Variants in METTL6 observed in about 807,000 individuals in gnomAD.
METTL6 encodes tRNA N(3)-cytidine methyltransferase METTL6.
A neutral mutation model predicts 26.4 loss-of-function variants in METTL6; 22 were observed. The observed-to-expected ratio is 0.83, with a 90% CI of 0.59 to 1.19. The LOEUF (loss-of-function observed/expected upper bound fraction) is 1.19, where lower values mean the gene tolerates loss of function less well. Ranked by LOEUF, METTL6 falls within the 50% of genes most tolerant of loss-of-function variation. The pLI is 0.00. For synonymous variants in METTL6, 109 were observed against 116.2 expected, an observed-to-expected ratio of 0.94 and a Z score of 0.40; for missense variants, 304 against 324.8, an observed-to-expected ratio of 0.94 and a Z score of 0.49.
At position 15,426,573 on chromosome 3, in the gene METTL6, T is replaced by C. The variant is rs2061729653; in HGVS notation, c.-62A>G. On this transcript the variant is annotated 5_prime_UTR_variant, in exon 2 of 6. Coordinates refer to ENST00000383790, the MANE Select transcript of METTL6 (RefSeq NM_152396.4). ...ATTCTCCATCACCAAATAATATGAA[T>C]CCACGCTAATGGATCAGATACATTT... 18 of 1,359,260 alleles carry C rather than the reference T, an allele frequency of 1.3e-5. No individual in the cohort carries two copies. Among genetic ancestry groups the C allele is most frequent in the South Asian group, 7.2e-5 (6 of 83,442 alleles). The allele number at this position is 1,359,260 out of a possible 1,614,324, so 84.2% of individuals were successfully genotyped here.
At chr3:15,421,658 G>A (rs1311796123) in intron 3 of METTL6, among the ~76,000 whole-genome samples, 1 of 152,134 alleles carries the variant, frequency 6.6e-6, no homozygotes, top group Non-Finnish European at 1.5e-5. Context: ...GCTTATGCCT[G>A]TAATCCCAAC....
chr3:15,396,146 T>G (rs1300354859), intron 6 of METTL6, among the ~76,000 whole-genome samples: 1 of 152,224 alleles, frequency 6.6e-6, no homozygotes, highest in East Asian at 1.9e-4. Flanking sequence ...CAAACGTAGA[T>G]TTGGTCTTTT....
rs1352441274 is a variant in METTL6, at chr3:15,410,194, G to A, written c.*1062C>T. Among the ~76,000 whole-genome samples, 1 of 151,726 alleles carries A rather than the reference G, an allele frequency of 6.6e-6. No homozygotes were observed. Reference sequence around the variant, plus strand: ...TACAAAAAGTACATAGTAGCCCCCCGTATCTGCGGGTGGTATGTTTCAAGA... The same window carrying A: ...TACAAAAAGTACATAGTAGCCCCCCATATCTGCGGGTGGTATGTTTCAAGA... On this transcript the variant is annotated 3_prime_UTR_variant, in exon 6 of 6. Transcript: ENST00000383790.
intron 3 of METTL6, among the ~76,000 whole-genome samples, chr3:15,418,264 A>G (rs2061533814): frequency 6.6e-6 from 1 of 152,232 alleles, no homozygotes; most frequent in Non-Finnish European, 1.5e-5. Flanking sequence ...GGCATTTAAA[A>G]TAATTATGAT....
intron 6 of METTL6, among the ~76,000 whole-genome samples, chr3:15,389,012 A>C (rs1699270045): frequency 6.6e-6 from 1 of 152,010 alleles, no homozygotes; most frequent in African/African-American, 2.4e-5. Flanking sequence ...GGCATATGCC[A>C]CCATGCCCAG....
chr3:15,425,017 C>T lies in METTL6; in HGVS notation c.298G>A (p.Glu100Lys). The T allele has an allele frequency of 6.2e-7, 1 of 1,614,126 alleles. No individual in the cohort carries two copies. Residue 100 changes from glutamate (E) to lysine (K), a missense_variant, in exon 3 of 6, where the codon GAA becomes AAA. Transcript: ENST00000383790. ...GCATAGGCAAAGATATTCGGATCTT[C>T]TTCTAAAAGTGGGAATAAACAGTTT... Reference protein sequence around the residue: ...VGNCLFPLLEEDPNIFAYACD... With the variant: ...VGNCLFPLLEKDPNIFAYACD...
chr3:15,400,064 G>A (rs1373835674), intron 6 of METTL6, among the ~76,000 whole-genome samples: 1 of 152,116 alleles, frequency 6.6e-6, no homozygotes, highest in African/African-American at 2.4e-5. Context: ...CATATCACAG[G>A]AAGAGGAGAT....
chr3:15,413,875 G>A (rs1396023548), intron 5 of METTL6, 146 bp downstream of exon 5: 1 of 1,525,216 alleles, frequency 6.6e-7, no homozygotes, highest in Non-Finnish European at 8.8e-7. Context: ...TCCAGGTGCT[G>A]GGTAAATATT....
downstream of METTL6, among the ~76,000 whole-genome samples, chr3:15,408,678 G>T (rs1009037559): frequency 6.7e-6 from 1 of 149,900 alleles, no homozygotes; most frequent in Non-Finnish European, 1.5e-5. Flanking sequence ...GGGCTCATGG[G>T]ATCCTTCAAC....
At chr3:15,390,402 T>C (rs368739869) in intron 6 of METTL6, among the ~76,000 whole-genome samples, 5 of 152,158 alleles carry the variant, frequency 3.3e-5, no homozygotes, top group African/African-American at 1.2e-4. Flanking sequence ...CACTCCAGCC[T>C]GGGTGACAGA....
chr3:15,396,474 C>G (rs1699491307), intron 6 of METTL6, among the ~76,000 whole-genome samples: 1 of 152,178 alleles, frequency 6.6e-6, no homozygotes, highest in Non-Finnish European at 1.5e-5. Flanking sequence ...TTGTCTGAAG[C>G]CTTCTTCTCT....
chr3:15,414,843 GC>G, intron 4 of METTL6: 1 of 527,936 alleles, frequency 1.9e-6, no homozygotes, highest in Admixed American at 2.4e-5. Flanking sequence ...AACTGCTTGA[GC>G]CCAGGAAGTT....
At position 15,409,896 on chromosome 3, in the gene METTL6, C is replaced by T. The variant is rs1182700482; in HGVS notation, c.*1360G>A. On this transcript the variant is annotated 3_prime_UTR_variant, in exon 6 of 6. Transcript: ENST00000383790. The stretch of plus-strand genomic sequence containing the variant: ...GAAGAAAACAGAACACTCCTTTAGG[C>T]TAGAAATATATATGAGTGTCTTATT... 6.6e-6 allele frequency among the ~76,000 whole-genome samples: 1 copy of T among 152,180 alleles called. No homozygotes were observed. The highest frequency in any genetic ancestry group is 1.5e-5 in the Non-Finnish European group (1 of 68,042).
chr3:15,395,773 T>G (rs2124915775), intron 6 of METTL6, among the ~76,000 whole-genome samples: 1 of 152,350 alleles, frequency 6.6e-6, no homozygotes, highest in South Asian at 2.1e-4. Context: ...TGGCTGGATA[T>G]GAAATTCTGG....
rs1232571038 is a variant in METTL6 at position 15,401,816 on chromosome 3, GC to G, written c.*11+9428del. ...AAACCCTTAGTTCTAGGAATTGCCC[GC>G]CCCTTTTCCAGAACGTTCATGAATA... is the stretch of plus-strand genomic sequence containing the variant. On this transcript the variant is annotated intron_variant, in intron 6 of 6. Transcript: ENST00000443029. Among the ~76,000 whole-genome samples the G allele has an allele frequency of 2.6e-5, 4 of 152,070 alleles. No homozygotes were observed. In the South Asian group the frequency reaches 8.3e-4, roughly 32 times the overall value.
rs141356524 is a variant in METTL6, at chr3:15,391,169, C to G, written c.*12-6982G>C. 9.5e-3 allele frequency among the ~76,000 whole-genome samples: 1,445 copies of G among 152,348 alleles called. 17 individuals are homozygous for G. The highest frequency in any genetic ancestry group is 0.012 in the African/African-American group (514 of 41,578). ...ATCCTTGACAATCAGCCGTTTGTATCCCCAATGCTCAGCTGCTGTGTTGCT... is the reference window on the plus strand; with the variant it reads ...ATCCTTGACAATCAGCCGTTTGTATGCCCAATGCTCAGCTGCTGTGTTGCT... On this transcript the variant is annotated intron_variant, in intron 6 of 6. Coordinates refer to the METTL6 transcript ENST00000443029.
chr3:15,398,062 C>T (rs1259166181), intron 6 of METTL6, among the ~76,000 whole-genome samples: 5 of 152,092 alleles, frequency 3.3e-5, no homozygotes, highest in African/African-American at 1.2e-4. Context: ...TAGCCACCCC[C>T]ACCCTTTCCC....
rs142609902 is a variant in METTL6, at chr3:15,384,186, A to G, written c.*13T>C. The G allele has an allele frequency of 8.2e-4, 306 of 372,790 alleles. 1 individual carries two copies. The highest frequency in any genetic ancestry group is 6.0e-3 in the African/African-American group (267 of 44,286). The allele number at this position is 372,790 out of a possible 1,614,324, so 23.1% of individuals were successfully genotyped here. A position where few individuals can be genotyped will look rare whatever the true frequency, so the allele number is the denominator to read the frequency against. On this transcript the variant is annotated splice_region_variant and 3_prime_UTR_variant, in exon 7 of 7. Transcript: ENST00000443029. ...CCCAGGTTCCAGACTTTTGTTTGAG[A>G]CCTGAAAAAGAAACAAAAAAGAGAT...
At chr3:15,381,540 T>A (rs1027479617) in exon 7 of METTL6, 2 of 152,212 alleles carry the variant, frequency 1.3e-5, no homozygotes, top group Non-Finnish European at 2.9e-5. Context: ...ATTACTTGCA[T>A]ACATCCTCCT....
Sources: gnomAD v4.1 joint callset for allele counts (sites outside exome capture counted in the v4.1 genomes callset) on GRCh38, gnomAD v4.1.1 for gene constraint, MANE v1.5 for transcripts, NCBI Gene and HGNC (gene_info 2026-07-23, HGNC 2026-07-21) for gene names.